Variants in HORMAD2 observed in about 807,000 individuals in gnomAD.
HORMAD2 encodes HORMA domain containing 2, also known as HORMA domain-containing protein 2.
A neutral mutation model predicts 38.8 loss-of-function variants in HORMAD2; 45 were observed. The observed-to-expected ratio is 1.16, with a 90% CI of 0.91 to 1.49. The LOEUF (loss-of-function observed/expected upper bound fraction) is 1.49, where lower values mean the gene tolerates loss of function less well. HORMAD2 is among the 40% of genes most tolerant of loss of function. The probability of loss-of-function intolerance (pLI) is 0.00; values close to 1 mark genes in which losing one functional copy is unlikely to be tolerated. For missense variants in HORMAD2, 338 were observed against 367.0 expected, an observed-to-expected ratio of 0.92 and a Z score of 0.65; for synonymous variants, 126 against 122.8, an observed-to-expected ratio of 1.03 and a Z score of -0.17.
intron 6 of HORMAD2, 89 bp downstream of exon 6, chr22:30,111,905 T>C: frequency 1.0e-6 from 1 of 961,222 alleles, no homozygotes; most frequent in Non-Finnish European, 1.5e-6. Flanking sequence ...CTCTCCCTCT[T>C]CCTCCCTGAC....
intron 10 of HORMAD2, among the ~76,000 whole-genome samples, chr22:30,143,438 T>A (rs9625926): frequency 6.6e-6 from 1 of 152,088 alleles, no homozygotes; most frequent in Non-Finnish European, 1.5e-5. Context: ...CTTTGCTGAA[T>A]AAAGAATTCT....
intron 10 of HORMAD2, among the ~76,000 whole-genome samples, chr22:30,131,745 G>T (rs1189591014): frequency 6.6e-6 from 1 of 152,010 alleles, no homozygotes; most frequent in Non-Finnish European, 1.5e-5. Context: ...TTTGCATTTT[G>T]CCTGGATTTC....
rs748427330 is a variant in HORMAD2, at chr22:30,176,145, T to C, written c.902T>C (p.Val301Ala). Residue 301 changes from valine to alanine, a missense_variant, in exon 11 of 11, where the codon GTC becomes GCC. Coordinates refer to ENST00000336726, the MANE Select transcript of HORMAD2 (RefSeq NM_152510.4). ...AGGAAGGTCAGTGAACCAGTGAAGG[T>C]CTTCATCCCTAACAGAAAATGAAAG... is the stretch of plus-strand genomic sequence containing the variant. ...KKRKVSEPVK[V>A]FIPNRK is the part of the protein sequence containing the mutation. 7 of 1,608,920 alleles carry C rather than the reference T, an allele frequency of 4.4e-6. No homozygotes were observed. The South Asian group carries it at 5.5e-5, about 13-fold the overall frequency.
intron 10 of HORMAD2, among the ~76,000 whole-genome samples, chr22:30,155,773 A>G (rs996564977): frequency 6.6e-6 from 1 of 152,150 alleles, no homozygotes; most frequent in African/African-American, 2.4e-5. Context: ...ATCACTTTCT[A>G]TATTTGTAAT....
chr22:30,081,361 A>G (rs2068470569), intron 1 of HORMAD2: 1 of 152,230 alleles, frequency 6.6e-6, no homozygotes, highest in African/African-American at 2.4e-5. Context: ...ATAGCATGAA[A>G]AAGATATTAA....
intron 2 of HORMAD2, among the ~76,000 whole-genome samples, chr22:30,098,213 C>G (rs900283780): frequency 2.0e-5 from 3 of 152,042 alleles, no homozygotes; most frequent in African/African-American, 7.3e-5. Context: ...TAGGCTGTAG[C>G]TGAAGCTATG....
At chr22:30,158,309 A>G (rs1925210494) in intron 10 of HORMAD2, among the ~76,000 whole-genome samples, 2 of 152,106 alleles carry the variant, frequency 1.3e-5, no homozygotes, top group Non-Finnish European at 2.9e-5. Context: ...ATAATCAACA[A>G]CTATACAAAG....
chr22:30,150,334 CTTG>C (rs1026675570), intron 10 of HORMAD2, among the ~76,000 whole-genome samples: 1 of 152,056 alleles, frequency 6.6e-6, no homozygotes, highest in African/African-American at 2.4e-5. Flanking sequence ...TTTCCAAGCG[CTTG>C]TTGTTGTTCT....
intron 10 of HORMAD2, among the ~76,000 whole-genome samples, chr22:30,139,807 A>C (rs1321831590): frequency 6.6e-6 from 1 of 151,974 alleles, no homozygotes; most frequent in African/African-American, 2.4e-5. Flanking sequence ...GATTTTGTCA[A>C]ATGCTTTTCC....
chr22:30,180,975 TCCTCTCCTCC>T (rs1171539855), downstream of HORMAD2, among the ~76,000 whole-genome samples: 2 of 67,174 alleles, frequency 3.0e-5, no homozygotes, highest in East Asian at 5.1e-4. Context: ...TCCTCTCCTC[TCCTCTCCTCC>T]CCTCTCCTCC....
intron 2 of HORMAD2, among the ~76,000 whole-genome samples, chr22:30,095,533 A>G (rs1479231179): frequency 6.6e-6 from 1 of 152,176 alleles, no homozygotes; most frequent in Non-Finnish European, 1.5e-5. Flanking sequence ...GCCTTCAAAG[A>G]TTATATTAAC....
intron 10 of HORMAD2, among the ~76,000 whole-genome samples, chr22:30,130,254 T>C (rs1923180493): frequency 6.6e-6 from 1 of 152,038 alleles, no homozygotes. Context: ...TATAACAGAG[T>C]TTCTACTAAT....
intron 10 of HORMAD2, among the ~76,000 whole-genome samples, chr22:30,128,148 GAA>G (rs1465247289): frequency 6.6e-6 from 1 of 152,182 alleles, no homozygotes; most frequent in African/African-American, 2.4e-5. Flanking sequence ...ACCAGTAGAT[GAA>G]AATTATGTTG....
intron 8 of HORMAD2, 29 bp downstream of exon 8, chr22:30,119,076 G>T: frequency 1.4e-6 from 2 of 1,445,352 alleles, no homozygotes; most frequent in Admixed American, 2.0e-5. Context: ...ATGAACATGA[G>T]AAATAAATAG....
intron 10 of HORMAD2, among the ~76,000 whole-genome samples, chr22:30,139,128 G>A (rs923685667): frequency 1.3e-5 from 2 of 151,476 alleles, no homozygotes; most frequent in Admixed American, 6.6e-5. Flanking sequence ...GACTGGAACC[G>A]CATCATCAAC....
intron 2 of HORMAD2, among the ~76,000 whole-genome samples, chr22:30,094,764 C>A (rs557855079): frequency 4.9e-4 from 74 of 152,008 alleles, no homozygotes; most frequent in African/African-American, 1.8e-3. Context: ...AGATAATTTG[C>A]GTAGAGGGGA....
chr22:30,135,930 A>G (rs755263953), intron 10 of HORMAD2, among the ~76,000 whole-genome samples: 1 of 152,228 alleles, frequency 6.6e-6, no homozygotes, highest in African/African-American at 2.4e-5. Context: ...GTAAAGCAGC[A>G]GGAAAACTGA....
At chr22:30,122,839 G>C (rs17648725) in intron 10 of HORMAD2, among the ~76,000 whole-genome samples, 32,097 of 152,032 alleles carry the variant, frequency 0.21, 3,900 homozygotes, top group Middle Eastern at 0.38. Context: ...TATGCCCTAG[G>C]TAACTCCACA....
intron 10 of HORMAD2, among the ~76,000 whole-genome samples, chr22:30,144,230 C>A (rs1297914564): frequency 1.3e-5 from 2 of 152,180 alleles, no homozygotes; most frequent in Non-Finnish European, 2.9e-5. Flanking sequence ...ACAGTTTAAT[C>A]AAATCAAATT....
Sources: gnomAD v4.1 joint callset for allele counts (sites outside exome capture counted in the v4.1 genomes callset) on GRCh38, gnomAD v4.1.1 for gene constraint, MANE v1.5 for transcripts, NCBI Gene and HGNC (gene_info 2026-07-23, HGNC 2026-07-21) for gene names.